Variants in KCNIP4 observed in about 807,000 individuals in gnomAD.
The protein encoded by KCNIP4 is potassium voltage-gated channel interacting protein 4.
KCNIP4 carries 12 observed loss-of-function variants against 34.0 expected under a neutral mutation model. That is an observed-to-expected ratio of 0.35 (90% CI 0.23 to 0.57). The LOEUF (loss-of-function observed/expected upper bound fraction) is 0.57. KCNIP4 is among the 20% of genes least tolerant of loss of function. The pLI, the probability that KCNIP4 is intolerant of heterozygous loss-of-function variation, is 0.83. For missense variants in KCNIP4, 238 were observed against 311.7 expected, an observed-to-expected ratio of 0.76 and a Z score of 1.78; for synonymous variants, 124 against 102.2, an observed-to-expected ratio of 1.21 and a Z score of -1.29.
chr4:21,859,577 G>A (rs368200680), intron 1 of KCNIP4, among the ~76,000 whole-genome samples: 155 of 151,440 alleles, frequency 1.0e-3, no homozygotes, highest in Middle Eastern at 3.5e-3. Flanking sequence ...GCAGTGAGCC[G>A]AGATCGCGCC....
At chr4:21,487,178 G>T (rs564590061) in intron 1 of KCNIP4, among the ~76,000 whole-genome samples, 1 of 152,072 alleles carries the variant, frequency 6.6e-6, no homozygotes, top group South Asian at 2.1e-4. Flanking sequence ...ATACCACATT[G>T]CATTTAGTTG....
At chr4:21,038,779 T>C (rs1390720021) in intron 1 of KCNIP4, among the ~76,000 whole-genome samples, 17 of 152,224 alleles carry the variant, frequency 1.1e-4, no homozygotes, top group Admixed American at 1.1e-3. Flanking sequence ...GATATTTTAA[T>C]CCATTTCATA....
chr4:21,515,697 T>C (rs1384822535), intron 1 of KCNIP4, among the ~76,000 whole-genome samples: 2 of 152,132 alleles, frequency 1.3e-5, no homozygotes, highest in Non-Finnish European at 2.9e-5. Context: ...GTCTCATAAA[T>C]AGATTAATGT....
intron 1 of KCNIP4, among the ~76,000 whole-genome samples, chr4:21,398,140 A>C (rs545710222): frequency 6.6e-6 from 1 of 152,314 alleles, no homozygotes; most frequent in South Asian, 2.1e-4. Context: ...AGTCTGGGTA[A>C]GTCTATTCAG....
At chr4:21,111,437 T>C (rs912660875) in intron 1 of KCNIP4, among the ~76,000 whole-genome samples, 14 of 151,784 alleles carry the variant, frequency 9.2e-5, no homozygotes, top group Non-Finnish European at 1.6e-4. Flanking sequence ...ATTTAGAGAG[T>C]CAGGTATAGG....
At chr4:21,232,126 C>G (rs986177727) in intron 1 of KCNIP4, among the ~76,000 whole-genome samples, 1 of 152,122 alleles carries the variant, frequency 6.6e-6, no homozygotes, top group Non-Finnish European at 1.5e-5. Flanking sequence ...TGCTCAGGCC[C>G]TGTCATGTGT....
intron 1 of KCNIP4, among the ~76,000 whole-genome samples, chr4:21,573,733 G>A (rs1740522936): frequency 6.6e-6 from 1 of 152,034 alleles, no homozygotes; most frequent in East Asian, 1.9e-4. Context: ...TTCATCTAGG[G>A]GTGAATGATA....
At chr4:21,359,278 T>C (rs771966984) in intron 1 of KCNIP4, among the ~76,000 whole-genome samples, 93 of 152,068 alleles carry the variant, frequency 6.1e-4, no homozygotes, top group Non-Finnish European at 1.1e-3. Context: ...GCTCCCCTGG[T>C]TCTCTGGCCT....
At chr4:21,363,895 T>C (rs1399331283) in intron 1 of KCNIP4, among the ~76,000 whole-genome samples, 1 of 152,064 alleles carries the variant, frequency 6.6e-6, no homozygotes, top group Non-Finnish European at 1.5e-5. Context: ...ATTTTCCAAA[T>C]CAGAAAGTAA....
Position 21,400,432 on chromosome 4 carries a change from A to T in KCNIP4, c.62-517723T>A, listed in dbSNP as rs550684479. On this transcript the variant is annotated intron_variant, in intron 1 of 8. Transcript: ENST00000382152. ...GGGTGGGAGTGGTCATTTCAAACAC[A>T]CGTCCTCTTGCCATTTCCTATTTTT... Among the ~76,000 whole-genome samples, 15 of 139,968 alleles carry T rather than the reference A, an allele frequency of 1.1e-4. No homozygotes were observed. In the South Asian group the frequency reaches 2.9e-3, roughly 27 times the overall value. The allele number at this position is 139,968 out of a possible 152,430, so 91.8% of individuals were successfully genotyped here.
intron 1 of KCNIP4, among the ~76,000 whole-genome samples, chr4:21,369,622 T>A (rs1352093260): frequency 1.4e-5 from 2 of 146,778 alleles, no homozygotes; most frequent in African/African-American, 5.5e-5. Context: ...AAGAAGAATG[T>A]AATTTGTTGA....
chr4:21,338,555 T>A (rs1716416124), intron 1 of KCNIP4, among the ~76,000 whole-genome samples: 1 of 150,784 alleles, frequency 6.6e-6, no homozygotes, highest in South Asian at 2.1e-4. Context: ...TGCAGTGAGC[T>A]GGGATTGCGC....
chr4:21,143,888 T>C (rs1223486266), intron 1 of KCNIP4, among the ~76,000 whole-genome samples: 2 of 151,942 alleles, frequency 1.3e-5, no homozygotes, highest in Non-Finnish European at 2.9e-5. Context: ...TTTTGTATTT[T>C]TAGTAGAGAT....
intron 1 of KCNIP4, among the ~76,000 whole-genome samples, chr4:21,600,523 G>A (rs6448059): frequency 0.69 from 104,214 of 151,816 alleles, 36,267 homozygotes; most frequent in East Asian, 0.89. Context: ...ATTTTGAAAT[G>A]TACAATAGAT....
At chr4:21,518,437 C>T (rs1734951802) in intron 1 of KCNIP4, among the ~76,000 whole-genome samples, 1 of 152,132 alleles carries the variant, frequency 6.6e-6, no homozygotes, top group South Asian at 2.1e-4. Flanking sequence ...CACATATAGG[C>T]TGAACAGCAA....
intron 1 of KCNIP4, among the ~76,000 whole-genome samples, chr4:21,946,811 C>A (rs773429072): frequency 6.6e-6 from 1 of 152,166 alleles, no homozygotes; most frequent in African/African-American, 2.4e-5. Flanking sequence ...TTTCTGTTCT[C>A]TAAATAAACA....
intron 1 of KCNIP4, among the ~76,000 whole-genome samples, chr4:21,438,526 A>T (rs1577359911): frequency 6.6e-6 from 1 of 152,322 alleles, no homozygotes; most frequent in East Asian, 1.9e-4. Flanking sequence ...GCCAGCTGTT[A>T]TGAATGTGAG....
intron 1 of KCNIP4, among the ~76,000 whole-genome samples, chr4:21,541,459 G>A (rs1212766677): frequency 2.6e-5 from 4 of 152,084 alleles, no homozygotes; most frequent in African/African-American, 9.7e-5. Flanking sequence ...TGAGTGGAGA[G>A]TTCACTGTAT....
intron 1 of KCNIP4, among the ~76,000 whole-genome samples, chr4:21,280,973 C>G (rs1031023438): frequency 1.3e-5 from 2 of 152,216 alleles, no homozygotes; most frequent in East Asian, 3.9e-4. Context: ...AGAACCCATA[C>G]ACCTGTATAT....
Sources: allele counts gnomAD v4.1 joint callset (sites outside exome capture counted in the v4.1 genomes callset), GRCh38; gene constraint gnomAD v4.1.1; transcripts MANE v1.5; gene names NCBI Gene and HGNC (gene_info 2026-07-23, HGNC 2026-07-21).